Variants in ZYG11B observed in about 807,000 individuals in gnomAD.
The protein encoded by ZYG11B is zyg-11 family member B, cell cycle regulator, also known as protein zyg-11 homolog B.
In ZYG11B, 36 loss-of-function variants were observed where a neutral mutation model predicts 82.4. That is an observed-to-expected ratio of 0.44 (90% CI 0.33 to 0.58). ZYG11B has a LOEUF of 0.58. ZYG11B is among the 20% of genes least tolerant of loss of function. The probability of loss-of-function intolerance (pLI) is 0.02; values close to 1 mark genes in which losing one functional copy is unlikely to be tolerated. For missense variants in ZYG11B, 552 were observed against 895.6 expected, an observed-to-expected ratio of 0.62 and a Z score of 4.90; for synonymous variants, 303 against 312.8, an observed-to-expected ratio of 0.97 and a Z score of 0.33.
At position 52,771,250 on chromosome 1, in the gene ZYG11B, C is replaced by T; in HGVS notation, c.427C>T (p.Leu143=). Residue 143 remains leucine, a synonymous_variant, in exon 3 of 14, where the codon CTG becomes TTG. Transcript: ENST00000294353. This position sits in a 1 kb window ranked among gnomAD's most constrained non-coding sequence, Gnocchi z 5.4. The part of the protein sequence containing the change: ...WIQQNLQCLV[L]NSLTLSLEDP... ...CCAGCAGAATCTCCAGTGCCTGGTG[C>T]TGAATTCATTAACTCTCTCCCTCGA... 1 of 1,614,188 alleles carries T rather than the reference C, an allele frequency of 6.2e-7. No homozygotes were observed. Among genetic ancestry groups the T allele is most frequent in the Non-Finnish European group, 8.5e-7 (1 of 1,180,028 alleles).
chr1:52,748,933 G>T (rs1412046852), intron 1 of ZYG11B, among the ~76,000 whole-genome samples: 1 of 151,208 alleles, frequency 6.6e-6, no homozygotes, highest in African/African-American at 2.4e-5. Context: ...GGGCGTGGTT[G>T]CTCACGCCTG....
chr1:52,809,858 GTTGT>G (rs1468618836), intron 10 of ZYG11B, among the ~76,000 whole-genome samples: 6 of 152,124 alleles, frequency 3.9e-5, no homozygotes, highest in South Asian at 4.1e-4. Flanking sequence ...TTTAAATTGG[GTTGT>G]TTGTGTTTTT....
At chr1:52,818,294 G>A (rs966366122) in intron 13 of ZYG11B, among the ~76,000 whole-genome samples, 8 of 152,064 alleles carry the variant, frequency 5.3e-5, no homozygotes, top group South Asian at 2.1e-4. Flanking sequence ...GCAACATGGC[G>A]AAACCTAGTT....
At position 52,726,489 on chromosome 1, in the gene ZYG11B, G is replaced by A; in HGVS notation, c.-165G>A. ...TCTGGTTCGGGCTGCGGCTGCGGCT[G>A]CGGCTGCGGCTGCTACTGCTACGCT... On this transcript the variant is annotated 5_prime_UTR_variant, in exon 1 of 14. Coordinates refer to ENST00000294353, the MANE Select transcript of ZYG11B (RefSeq NM_024646.3). The A allele has an allele frequency of 1.7e-6, 1 of 592,410 alleles. No individual in the cohort carries two copies. Among genetic ancestry groups the A allele is most frequent in the Non-Finnish European group, 2.5e-6 (1 of 402,136 alleles). 36.7% of individuals were successfully genotyped at this position (592,410 alleles called of 1,614,324 possible).
intron 1 of ZYG11B, among the ~76,000 whole-genome samples, chr1:52,754,998 G>T (rs1158913732): frequency 7.4e-6 from 1 of 134,816 alleles, no homozygotes; most frequent in Non-Finnish European, 1.5e-5. Context: ...TTGCTCTGTC[G>T]CCCAGGCTGT....
intron 2 of ZYG11B, among the ~76,000 whole-genome samples, chr1:52,766,920 A>G (rs1291996583): frequency 2.0e-5 from 3 of 151,834 alleles, no homozygotes; most frequent in Non-Finnish European, 4.4e-5. Flanking sequence ...AGGCGGGAGA[A>G]TGGTGTGAAC....
intron 1 of ZYG11B, among the ~76,000 whole-genome samples, chr1:52,747,465 A>G (rs775189631): frequency 1.9e-4 from 29 of 152,160 alleles, no homozygotes; most frequent in Non-Finnish European, 3.2e-4. Context: ...ATGGTGTAGC[A>G]GAAAAAGTAT....
At position 52,779,911 on chromosome 1, in the gene ZYG11B, G is replaced by A. The variant is rs779249024; in HGVS notation, c.1010G>A (p.Arg337Gln). 4 of 1,614,164 alleles carry A rather than the reference G, an allele frequency of 2.5e-6. No individual in the cohort carries two copies. The highest frequency in any genetic ancestry group is 1.1e-5 in the South Asian group (1 of 91,082). Residue 337 changes from arginine to glutamine, a missense_variant, in exon 4 of 14, where the codon CGG becomes CAG. Arg to Gln is a conservative substitution (Grantham distance 43, BLOSUM62 1). Transcript: ENST00000294353. ...IAEALKRYSE[R>Q]AFFVREALFH... ...GAAGCACTGAAGCGTTACAGTGAAC[G>A]GGCATTCTTTGTTCGGGAAGCTCTA...
At chr1:52,728,418 C>T (rs1008082636) in intron 1 of ZYG11B, among the ~76,000 whole-genome samples, 5 of 152,096 alleles carry the variant, frequency 3.3e-5, no homozygotes, top group African/African-American at 9.7e-5. Context: ...TACCGTGCCC[C>T]GCTAATTTGT....
intron 1 of ZYG11B, among the ~76,000 whole-genome samples, chr1:52,755,010 G>A (rs962313236): frequency 1.1e-4 from 16 of 145,768 alleles, no homozygotes; most frequent in African/African-American, 4.3e-4. Context: ...CCAGGCTGTG[G>A]AGTGCAGTGA....
chr1:52,773,213 C>G (rs1157994906), intron 3 of ZYG11B, among the ~76,000 whole-genome samples: 2 of 151,964 alleles, frequency 1.3e-5, no homozygotes, highest in African/African-American at 2.4e-5. Context: ...GTGGCTCACA[C>G]CTATAATCCC....
At chr1:52,778,428 A>G (rs1161131953) in intron 3 of ZYG11B, among the ~76,000 whole-genome samples, 1 of 152,002 alleles carries the variant, frequency 6.6e-6, no homozygotes, top group Non-Finnish European at 1.5e-5. Context: ...GCCAGCCTGG[A>G]TTTTGCTGAT....
chr1:52,755,475 C>G (rs1644566480), intron 1 of ZYG11B, among the ~76,000 whole-genome samples: 1 of 151,982 alleles, frequency 6.6e-6, no homozygotes. Context: ...TGTTGCATTT[C>G]CATATGAATC....
At chr1:52,777,530 A>C (rs1366823947) in intron 3 of ZYG11B, among the ~76,000 whole-genome samples, 1 of 152,074 alleles carries the variant, frequency 6.6e-6, no homozygotes, top group Admixed American at 6.6e-5. Flanking sequence ...CTGCAGCCTC[A>C]AATTCGTGGG....
intron 2 of ZYG11B, among the ~76,000 whole-genome samples, chr1:52,756,840 C>T (rs1464950973): frequency 7.6e-6 from 1 of 131,714 alleles, no homozygotes; most frequent in African/African-American, 2.9e-5. Flanking sequence ...TTTTCCTTGA[C>T]AGGGTCTCAC....
intron 8 of ZYG11B, among the ~76,000 whole-genome samples, chr1:52,797,043 ATT>A (rs1472988055): frequency 1.1e-5 from 1 of 89,306 alleles, no homozygotes; most frequent in African/African-American, 5.0e-5. Context: ...ATATATATAA[ATT>A]TTTATATATT....
chr1:52,769,271 T>G (rs1644725917), intron 2 of ZYG11B, among the ~76,000 whole-genome samples: 1 of 152,186 alleles, frequency 6.6e-6, no homozygotes, highest in African/African-American at 2.4e-5. Context: ...TCTCTAGAAC[T>G]ACATTGTTTA....
At position 52,749,228 on chromosome 1, in the gene ZYG11B, A is replaced by T. The variant is rs180893972; in HGVS notation, c.31-7230A>T. Among the ~76,000 whole-genome samples, 7 of 152,220 alleles carry T rather than the reference A, an allele frequency of 4.6e-5. No individual in the cohort carries two copies. The East Asian group carries it at 1.4e-3, about 29-fold the overall frequency. ...AAAAAAATAAACAAAATACCTAAAT[A>T]AAAAAAGAAAGATGAGTGAGATTTT... On this transcript the variant is annotated intron_variant, in intron 1 of 13. Coordinates refer to ENST00000294353, the MANE Select transcript of ZYG11B (RefSeq NM_024646.3).
chr1:52,736,727 A>T (rs1380329983), intron 1 of ZYG11B, among the ~76,000 whole-genome samples: 1 of 151,928 alleles, frequency 6.6e-6, no homozygotes, highest in Non-Finnish European at 1.5e-5. Context: ...TGCTGGGATG[A>T]CAGGCGTGAA....
Sources: allele counts gnomAD v4.1 joint callset (sites outside exome capture counted in the v4.1 genomes callset), GRCh38; gene constraint gnomAD v4.1.1; non-coding constraint Gnocchi (gnomAD v3.1); transcripts MANE v1.5; gene names NCBI Gene and HGNC (gene_info 2026-07-23, HGNC 2026-07-21).